PRKD3: variants seen among roughly 807,000 people sequenced by gnomAD.
The protein encoded by PRKD3 is protein kinase D3.
In PRKD3, 47 loss-of-function variants were observed where a neutral mutation model predicts 99.2. The observed-to-expected ratio is 0.47, with a 90% confidence interval of 0.38 to 0.60. The LOEUF is 0.60. Among genes scored for constraint, PRKD3 ranks in the 20% least tolerant of loss-of-function variants. The pLI, the probability that PRKD3 is intolerant of heterozygous loss-of-function variation, is 0.00. For missense variants in PRKD3, 1,019 were observed against 1,088.4 expected (o/e 0.94, Z 0.90); for synonymous variants, 392 against 355.4 (o/e 1.10, Z -1.16).
chr2:37,262,836 A>T (rs891902776), intron 14 of PRKD3, among the ~76,000 whole-genome samples: 1 of 151,772 alleles, frequency 6.6e-6, no homozygotes, highest in Non-Finnish European at 1.5e-5. Context: ...AGAATTACCC[A>T]TTTTCTCCAA....
chr2:37,259,506 A>T, intron 16 of PRKD3, 77 bp downstream of exon 16: 1 of 1,129,960 alleles, frequency 8.8e-7, no homozygotes, highest in Non-Finnish European at 1.3e-6. Context: ...AACAGTACTT[A>T]GTACACTGCC....
chr2:37,264,748 A>G lies in PRKD3; in HGVS notation c.1884+2682T>C, dbSNP rs867702255. Among the ~76,000 whole-genome samples the G allele has an allele frequency of 4.7e-5, 7 of 150,044 alleles. No individual in the cohort carries two copies. In the Middle Eastern group the frequency reaches 0.014, roughly 304 times the overall value. On this transcript the variant is annotated intron_variant, in intron 14 of 18. Coordinates refer to ENST00000234179, the MANE Select transcript of PRKD3 (RefSeq NM_005813.6). ...TCAACATGGCTATTTTTGGGGGGGAAAAAAAAAGACTCAATTTGTTGTGTA... is the reference window on the plus strand; with the variant it reads ...TCAACATGGCTATTTTTGGGGGGGAGAAAAAAAGACTCAATTTGTTGTGTA...
chr2:37,275,510 G>A (rs1669524639), intron 10 of PRKD3, among the ~76,000 whole-genome samples: 1 of 152,112 alleles, frequency 6.6e-6, no homozygotes, highest in Non-Finnish European at 1.5e-5. Context: ...TATCCAGAAG[G>A]AAAGCAGCAG....
At chr2:37,321,437 G>A (rs1671879369) in intron 1 of PRKD3, among the ~76,000 whole-genome samples, 2 of 152,036 alleles carry the variant, frequency 1.3e-5, no homozygotes, top group Non-Finnish European at 2.9e-5. Flanking sequence ...ATTATCTCAC[G>A]GTAATATCAC....
chr2:37,269,588 A>G, intron 13 of PRKD3, 27 bp downstream of exon 13: 2 of 1,577,072 alleles, frequency 1.3e-6, no homozygotes, highest in Non-Finnish European at 1.7e-6. Flanking sequence ...TAATGTGTAC[A>G]ATATGCAAAC....
chr2:37,268,626 G>A (rs900979426), intron 13 of PRKD3: 8 of 247,538 alleles, frequency 3.2e-5, no homozygotes, highest in African/African-American at 9.3e-5. Context: ...AAATAGGTAC[G>A]GGGACAAGAA....
In PRKD3 at chr2:37,286,255, A is replaced by T. The variant is rs964017787; in HGVS notation, c.832T>A (p.Ser278Thr). The change falls in exon 6 of 19, where the codon TCT (serine) becomes ACT (threonine). Residue 278 changes from serine (S) to threonine (T), a missense_variant. Coordinates refer to ENST00000234179, the MANE Select transcript of PRKD3 (RefSeq NM_005813.6). ...TGACATATCGTGGGACGGGTGTAAG[A>T]GTGAACAGCAAATGTGTGTGGAACT... ...VKVPHTFAVH[S>T]YTRPTICQYC... The T allele has an allele frequency of 6.2e-7, 1 of 1,614,192 alleles. No homozygotes were observed. Among genetic ancestry groups the T allele is most frequent in the African/African-American group, 1.3e-5 (1 of 75,054 alleles).
At chr2:37,273,916 T>G (rs1572646334) in intron 11 of PRKD3, among the ~76,000 whole-genome samples, 1 of 152,250 alleles carries the variant, frequency 6.6e-6, no homozygotes, top group African/African-American at 2.4e-5. Context: ...TTTTAAATAT[T>G]TCTGTATGTT....
chr2:37,277,029 T>G (rs1289390369), intron 9 of PRKD3, among the ~76,000 whole-genome samples: 2 of 152,062 alleles, frequency 1.3e-5, no homozygotes, highest in East Asian at 3.8e-4. Context: ...ACATACACAC[T>G]GCAGTCTATA....
In PRKD3 at chr2:37,267,075, G is replaced by C. The variant is rs2300889; in HGVS notation, c.1884+355C>G. Among the ~76,000 whole-genome samples the C allele has an allele frequency of 1.4e-3, 207 of 152,154 alleles. 2 individuals carry two copies. Among genetic ancestry groups the C allele is most frequent in the Admixed American group, 9.4e-3 (144 of 15,274 alleles). On this transcript the variant is annotated intron_variant, in intron 14 of 18. Transcript: ENST00000234179. ...ATTAATGAAATAAGTGCTGTTAAAA[G>C]GTACATAATTTTAAAGCAATCTTTA...
At chr2:37,313,750 T>G (rs1386175976) in intron 2 of PRKD3, among the ~76,000 whole-genome samples, 1 of 152,196 alleles carries the variant, frequency 6.6e-6, no homozygotes, top group Non-Finnish European at 1.5e-5. Flanking sequence ...ACATACAAGT[T>G]TTCGACTTTA....
At chr2:37,281,701 AAAC>A (rs1467186453) in intron 7 of PRKD3, among the ~76,000 whole-genome samples, 9 of 152,242 alleles carry the variant, frequency 5.9e-5, no homozygotes, top group Admixed American at 3.3e-4. Flanking sequence ...ATAGCAGCAC[AAAC>A]AGACTAAGAC....
At chr2:37,285,566 G>C (rs1670049801) in intron 6 of PRKD3, among the ~76,000 whole-genome samples, 1 of 152,080 alleles carries the variant, frequency 6.6e-6, no homozygotes, top group Non-Finnish European at 1.5e-5. Context: ...ATGCTTATAT[G>C]TGTGTGTAAT....
At chr2:37,258,367 T>C (rs1668143615) in intron 16 of PRKD3, among the ~76,000 whole-genome samples, 1 of 152,214 alleles carries the variant, frequency 6.6e-6, no homozygotes, top group East Asian at 1.9e-4. Flanking sequence ...ACTCTTTTTT[T>C]GTTGTTAAAT....
chr2:37,260,481 A>C (rs371551555), intron 14 of PRKD3, 97 bp from the exon 15 acceptor site: 28 of 1,134,954 alleles, frequency 2.5e-5, no homozygotes, highest in South Asian at 8.3e-5. Context: ...GCACAGAAAG[A>C]AAGCCTAGAG....
chr2:37,269,094 G>A (rs1427261309), intron 13 of PRKD3: 1 of 158,376 alleles, frequency 6.3e-6, no homozygotes, highest in African/African-American at 2.4e-5. Flanking sequence ...TAAGCCCTAT[G>A]AGCTACACAG....
intron 2 of PRKD3, among the ~76,000 whole-genome samples, chr2:37,303,455 T>G (rs983199931): frequency 3.3e-5 from 5 of 152,046 alleles, no homozygotes; most frequent in Non-Finnish European, 7.4e-5. Flanking sequence ...ATGGCAGACC[T>G]AAGAGAGTAT....
At chr2:37,270,435 G>C (rs1669168784) in intron 12 of PRKD3, among the ~76,000 whole-genome samples, 1 of 149,866 alleles carries the variant, frequency 6.7e-6, no homozygotes, top group Admixed American at 6.6e-5. Flanking sequence ...ATGTATGAGA[G>C]AAAGTCTGTA....
intron 2 of PRKD3, among the ~76,000 whole-genome samples, chr2:37,302,799 G>C (rs945197674): frequency 6.6e-6 from 1 of 151,778 alleles, no homozygotes; most frequent in Non-Finnish European, 1.5e-5. Flanking sequence ...CAATCATTCT[G>C]CCTCAAGCCT....
Sources: gnomAD v4.1 joint callset for allele counts (sites outside exome capture counted in the v4.1 genomes callset) on GRCh38, gnomAD v4.1.1 for gene constraint, MANE v1.5 for transcripts, NCBI Gene and HGNC (gene_info 2026-07-23, HGNC 2026-07-21) for gene names.